The following RBPJ variants were observed in gnomAD, a reference collection of about 807,000 sequenced individuals.
The protein encoded by RBPJ is recombining binding protein suppressor of hairless.
In RBPJ, 9 loss-of-function variants were observed where a neutral mutation model predicts 67.8. That is an observed-to-expected ratio of 0.13 (90% CI 0.08 to 0.23). The LOEUF (loss-of-function observed/expected upper bound fraction) is 0.23, where lower values mean the gene tolerates loss of function less well. Ranked by LOEUF, RBPJ falls within the 10% of genes least tolerant of loss-of-function variation. The pLI is 1.00. For missense variants in RBPJ, 305 were observed against 595.6 expected, an observed-to-expected ratio of 0.51 and a Z score of 5.08; for synonymous variants, 198 against 203.3, an observed-to-expected ratio of 0.97 and a Z score of 0.22.
intron 1 of RBPJ, among the ~76,000 whole-genome samples, chr4:26,198,169 G>A (rs1456876856): frequency 2.0e-5 from 3 of 152,152 alleles, no homozygotes; most frequent in Non-Finnish European, 4.4e-5. Flanking sequence ...CCGGAGAATT[G>A]CTTGAACCTG....
chr4:26,229,326 A>G (rs768828875), intron 1 of RBPJ, among the ~76,000 whole-genome samples: 1 of 152,212 alleles, frequency 6.6e-6, no homozygotes, highest in Non-Finnish European at 1.5e-5. Context: ...TCTGGAGTGT[A>G]TCAGTGTGTA....
the RBPJ span, among the ~76,000 whole-genome samples, chr4:26,157,083 AAACAAACAAACAAACAAAAACAAAC>A: frequency 7.1e-3 from 262 of 37,098 alleles, 4 homozygotes; most frequent in Non-Finnish European, 0.013. Context: ...TGTCAAAAAC[AAACAAACAAACAAACAAAAACAAAC>A]AAACAAACAA....
At chr4:26,224,046 G>C (rs951443125) in intron 1 of RBPJ, among the ~76,000 whole-genome samples, 1 of 152,188 alleles carries the variant, frequency 6.6e-6, no homozygotes, top group Non-Finnish European at 1.5e-5. Flanking sequence ...GTTTAGAAGA[G>C]TGCCTGCCAC....
chr4:26,159,636 G>A (rs898888463), upstream of RBPJ, among the ~76,000 whole-genome samples: 5 of 152,176 alleles, frequency 3.3e-5, no homozygotes, highest in African/African-American at 9.7e-5. Flanking sequence ...AACCTTCAGC[G>A]TGTTTATAGT....
intron 2 of RBPJ, among the ~76,000 whole-genome samples, chr4:26,395,823 CT>C (rs919502115): frequency 6.6e-6 from 1 of 152,216 alleles, no homozygotes; most frequent in African/African-American, 2.4e-5. Flanking sequence ...ATTGCATTGT[CT>C]TTGAGAAAAC....
At chr4:26,200,671 G>A (rs201799201) in intron 1 of RBPJ, among the ~76,000 whole-genome samples, 3 of 149,604 alleles carry the variant, frequency 2.0e-5, no homozygotes, top group East Asian at 2.0e-4. Context: ...AAAAAAAAAA[G>A]AAAAAAAAAC....
At chr4:26,410,347 T>C (rs769764992) in intron 3 of RBPJ, 29 of 159,500 alleles carry the variant, frequency 1.8e-4, no homozygotes, top group Admixed American at 3.2e-4. Context: ...AATTTAAAAT[T>C]GTTCTTGATG....
intron 1 of RBPJ, among the ~76,000 whole-genome samples, chr4:26,204,133 TG>T (rs541424459): frequency 3.3e-5 from 5 of 151,876 alleles, no homozygotes; most frequent in Non-Finnish European, 7.4e-5. Context: ...TTTGTAGGGA[TG>T]GGGGGGTCTC....
chr4:26,384,519 A>G (rs2109619748), intron 1 of RBPJ: 1 of 152,298 alleles, frequency 6.6e-6, no homozygotes, highest in South Asian at 2.1e-4. Context: ...TTAACTGTTT[A>G]TAATTGTAGT....
chr4:26,117,945 G>T, the RBPJ span, among the ~76,000 whole-genome samples: 1 of 151,522 alleles, frequency 6.6e-6, no homozygotes, highest in Non-Finnish European at 1.5e-5. Flanking sequence ...ATTTGTGCAT[G>T]GATATATACA....
the RBPJ span, among the ~76,000 whole-genome samples, chr4:26,149,015 T>C: frequency 6.6e-6 from 1 of 152,018 alleles, no homozygotes; most frequent in Non-Finnish European, 1.5e-5. Flanking sequence ...TGTGGTGAAG[T>C]CTCCCCACAA....
chr4:26,156,481 C>T, the RBPJ span, among the ~76,000 whole-genome samples: 1 of 131,350 alleles, frequency 7.6e-6, no homozygotes, highest in South Asian at 2.5e-4. Flanking sequence ...TACAGTGGTG[C>T]GATCTCAGCT....
At chr4:26,360,583 G>C (rs930458698) in intron 1 of RBPJ, among the ~76,000 whole-genome samples, 1 of 130,304 alleles carries the variant, frequency 7.7e-6, no homozygotes. Context: ...TTTCTAGACA[G>C]TTTCATAGGT....
chr4:26,299,672 CTT>C (rs397879662), intron 1 of RBPJ, among the ~76,000 whole-genome samples: 2,293 of 85,040 alleles, frequency 0.027, 17 homozygotes, highest in African/African-American at 0.06. Flanking sequence ...AGACTGTGTG[CTT>C]TTTTTTTTTT....
At chr4:26,310,738 T>G (rs1366438841) in intron 1 of RBPJ, among the ~76,000 whole-genome samples, 1 of 150,960 alleles carries the variant, frequency 6.6e-6, no homozygotes, top group Non-Finnish European at 1.5e-5. Flanking sequence ...GGCACGATCT[T>G]GGCTCACTGC....
the RBPJ span, among the ~76,000 whole-genome samples, chr4:26,135,369 T>C: frequency 1.3e-5 from 2 of 151,986 alleles, no homozygotes; most frequent in African/African-American, 2.4e-5. Context: ...ACTTTACAGA[T>C]GAGAAAGCTG....
chr4:26,191,206 TATATAGAGAGAGAGAG>T (rs1441645282), intron 1 of RBPJ, among the ~76,000 whole-genome samples: 43 of 30,456 alleles, frequency 1.4e-3, no homozygotes, highest in South Asian at 6.8e-3. Context: ...TATATATATA[TATATAGAGAGAGAGAG>T]AGAGAGAGAG....
chr4:26,379,516 C>G (rs1417574506), intron 1 of RBPJ, among the ~76,000 whole-genome samples: 1 of 152,094 alleles, frequency 6.6e-6, no homozygotes, highest in Non-Finnish European at 1.5e-5. Flanking sequence ...CTTCACAAAG[C>G]TGCAGGAAAA....
intron 2 of RBPJ, among the ~76,000 whole-genome samples, chr4:26,403,800 G>C (rs1185829636): frequency 6.6e-6 from 1 of 151,822 alleles, no homozygotes; most frequent in African/African-American, 2.4e-5. Flanking sequence ...GGGCATTTAT[G>C]TTGATTCCAT....
Sources: gnomAD v4.1 joint callset for allele counts (sites outside exome capture counted in the v4.1 genomes callset) on GRCh38, gnomAD v4.1.1 for gene constraint, MANE v1.5 for transcripts, NCBI Gene and HGNC (gene_info 2026-07-23, HGNC 2026-07-21) for gene names.